The following TENM4 variants were observed in gnomAD, a reference collection of about 807,000 sequenced individuals.
TENM4 encodes teneurin transmembrane protein 4, also known as teneurin-4.
A neutral mutation model predicts 243.3 loss-of-function variants in TENM4; 82 were observed. That is an observed-to-expected ratio of 0.34 (90% CI 0.28 to 0.40). The LOEUF (loss-of-function observed/expected upper bound fraction) is 0.40. Among genes scored for constraint, TENM4 ranks in the 10% least tolerant of loss-of-function variants. TENM4 has a pLI of 1.00. For synonymous variants in TENM4, 1,412 were observed against 1,456.3 expected, an observed-to-expected ratio of 0.97 and a Z score of 0.69; for missense variants, 3,138 against 3,673.3, an observed-to-expected ratio of 0.85 and a Z score of 3.77.
chr11:78,706,443 C>T (rs1374804159), intron 27 of TENM4, among the ~76,000 whole-genome samples: 1 of 152,206 alleles, frequency 6.6e-6, no homozygotes, highest in Non-Finnish European at 1.5e-5. Context: ...TTGCTTACCT[C>T]CCTGCTCCCC....
intron 32 of TENM4, among the ~76,000 whole-genome samples, chr11:78,661,883 A>G (rs1007400850): frequency 1.3e-5 from 2 of 152,328 alleles, no homozygotes; most frequent in African/African-American, 4.8e-5. Context: ...CTCTAGCTTC[A>G]TACCCGGGGC....
At chr11:79,387,775 C>A (rs2135535466) in intron 1 of TENM4, among the ~76,000 whole-genome samples, 1 of 152,290 alleles carries the variant, frequency 6.6e-6, no homozygotes, top group Non-Finnish European at 1.5e-5. Context: ...GAGGCCAAGG[C>A]AGGTGGATCA....
intron 6 of TENM4, among the ~76,000 whole-genome samples, chr11:79,044,214 G>A (rs1457691180): frequency 2.6e-5 from 4 of 152,204 alleles, no homozygotes; most frequent in East Asian, 1.9e-4. Context: ...AAACACAAAA[G>A]CAGGGCTGTG....
intron 29 of TENM4, among the ~76,000 whole-genome samples, chr11:78,684,623 G>T (rs1858619634): frequency 6.6e-6 from 1 of 152,112 alleles, no homozygotes; most frequent in Admixed American, 6.5e-5. Context: ...CTTTAGATTG[G>T]CAGTTAAGAG....
chr11:79,213,618 T>C (rs552147745), intron 3 of TENM4, among the ~76,000 whole-genome samples: 34 of 152,210 alleles, frequency 2.2e-4, no homozygotes, highest in African/African-American at 7.9e-4. Flanking sequence ...AAGGCCCCCA[T>C]GTGGGGATGA....
intron 1 of TENM4, among the ~76,000 whole-genome samples, chr11:79,408,908 G>A (rs1422173874): frequency 6.6e-6 from 1 of 152,172 alleles, no homozygotes; most frequent in Non-Finnish European, 1.5e-5. Flanking sequence ...CTCAGTGGAA[G>A]CTCATAGCAG....
chr11:79,245,766 C>A (rs768920500), intron 2 of TENM4, among the ~76,000 whole-genome samples: 4 of 151,474 alleles, frequency 2.6e-5, no homozygotes, highest in Non-Finnish European at 5.9e-5. Context: ...ATGGTGAAAC[C>A]CTGTCTCTAA....
intron 6 of TENM4, among the ~76,000 whole-genome samples, chr11:78,979,652 G>C (rs1027703994): frequency 6.6e-6 from 1 of 152,218 alleles, no homozygotes; most frequent in Non-Finnish European, 1.5e-5. Flanking sequence ...CTCACAGGGA[G>C]AGAAGAGCAC....
chr11:79,093,862 C>G (rs1395401063), intron 4 of TENM4: 1 of 152,232 alleles, frequency 6.6e-6, no homozygotes, highest in Non-Finnish European at 1.5e-5. Context: ...TGAGCCAATG[C>G]CAAGCCAAGT....
Position 78,669,386 on chromosome 11 carries a change from G to C in TENM4, c.6959C>G (p.Pro2320Arg). Residue 2320 changes from proline (P) to arginine (R), a missense_variant, in exon 32 of 34, where the codon CCC (proline) becomes CGC (arginine). Around this residue, in one of 2 missense-constraint regions of TENM4, gnomAD observed 2,467 missense variants for 3,059.1 expected, o/e 0.81. Coordinates refer to ENST00000278550, the MANE Select transcript of TENM4 (RefSeq NM_001098816.3). The surrounding 1 kb of genome is among the most constrained non-coding windows in gnomAD (Gnocchi z 6.4). ...LQFFYADLTN[P>R]TKVTHLYNHS... ...GTTGTACAGGTGGGTGACCTTGGTGGGGTTGGTCAGGTCTGCATAGAAGAA... is the reference window on the plus strand; with the variant it reads ...GTTGTACAGGTGGGTGACCTTGGTGCGGTTGGTCAGGTCTGCATAGAAGAA... 6.2e-7 allele frequency: 1 copy of C among 1,613,744 alleles called. No individual in the cohort carries two copies. Among genetic ancestry groups the C allele is most frequent in the Non-Finnish European group, 8.5e-7 (1 of 1,179,748 alleles).
chr11:78,899,172 A>G (rs936639161), intron 7 of TENM4, among the ~76,000 whole-genome samples: 7 of 152,164 alleles, frequency 4.6e-5, no homozygotes, highest in African/African-American at 9.7e-5. Context: ...CTCCTGTCTC[A>G]GTGCCTTGGA....
chr11:79,349,126 T>C (rs1240793145), intron 1 of TENM4, among the ~76,000 whole-genome samples: 1 of 152,102 alleles, frequency 6.6e-6, no homozygotes, highest in Non-Finnish European at 1.5e-5. Flanking sequence ...CTGGGGAAGG[T>C]CTCATCCTTC....
intron 1 of TENM4, among the ~76,000 whole-genome samples, chr11:79,394,517 G>A (rs1858301361): frequency 6.6e-6 from 1 of 152,166 alleles, no homozygotes; most frequent in Non-Finnish European, 1.5e-5. Flanking sequence ...AGAATTTAAT[G>A]CAATCATCAC....
intron 2 of TENM4, among the ~76,000 whole-genome samples, chr11:79,229,090 G>A (rs1367488711): frequency 6.6e-6 from 1 of 152,154 alleles, no homozygotes; most frequent in African/African-American, 2.4e-5. Context: ...CCCACTATTG[G>A]AATTTGTCTA....
chr11:78,963,807 C>T (rs1312519550), intron 6 of TENM4, among the ~76,000 whole-genome samples: 1 of 150,440 alleles, frequency 6.6e-6, no homozygotes, highest in Non-Finnish European at 1.5e-5. Context: ...TCTTGGCTCA[C>T]TGCAACCTCT....
intron 19 of TENM4, among the ~76,000 whole-genome samples, chr11:78,744,502 C>T (rs961327670): frequency 6.6e-6 from 1 of 152,174 alleles, no homozygotes; most frequent in African/African-American, 2.4e-5. Flanking sequence ...AGGACTGAAT[C>T]AAATGCAGGA....
At chr11:79,176,053 C>G (rs1863152621) in intron 3 of TENM4, among the ~76,000 whole-genome samples, 1 of 152,172 alleles carries the variant, frequency 6.6e-6, no homozygotes, top group Non-Finnish European at 1.5e-5. Context: ...GATCACACCA[C>G]TGCACTCCAG....
intron 1 of TENM4, among the ~76,000 whole-genome samples, chr11:79,398,615 A>G (rs886823153): frequency 6.6e-6 from 1 of 152,106 alleles, no homozygotes; most frequent in Non-Finnish European, 1.5e-5. Context: ...GGGTTAGGCT[A>G]CTAAATAGTA....
Position 78,670,398 on chromosome 11 carries a change from C to T in TENM4, c.5947G>A (p.Glu1983Lys). The T allele has an allele frequency of 1.9e-6, 3 of 1,613,954 alleles. No individual in the cohort carries two copies. Among genetic ancestry groups the T allele is most frequent in the Non-Finnish European group, 2.5e-6 (3 of 1,179,884 alleles). ...TCCTGTATGACTGAGGCATTGCCCT[C>T]AGGGGGCTGATAGATGTTTCTGTAG... ...GYYRNIYQPP[E>K]GNASVIQDFT... Residue 1983 changes from glutamate (E) to lysine (K), a missense_variant, in exon 32 of 34, where the codon GAG (glutamate) becomes AAG (lysine). Around this residue, in one of 2 missense-constraint regions of TENM4, gnomAD observed 2,467 missense variants for 3,059.1 expected, o/e 0.81. Transcript: ENST00000278550.
Sources: allele counts gnomAD v4.1 joint callset (sites outside exome capture counted in the v4.1 genomes callset), GRCh38; gene constraint gnomAD v4.1.1; regional missense constraint gnomAD v4.1.1; non-coding constraint Gnocchi (gnomAD v3.1); transcripts MANE v1.5; gene names NCBI Gene and HGNC (gene_info 2026-07-23, HGNC 2026-07-21).